Variants in SPOP observed in about 807,000 individuals in gnomAD.
SPOP encodes speckle type BTB/POZ protein, also known as speckle-type POZ protein.
In SPOP, 11 loss-of-function variants were observed where a neutral mutation model predicts 45.6. The ratio of observed to expected loss-of-function variants is 0.24; its 90% CI spans 0.15 to 0.40. SPOP has a LOEUF of 0.40. Ranked by LOEUF, SPOP falls within the 10% of genes least tolerant of loss-of-function variation. SPOP has a pLI of 1.00. For synonymous variants in SPOP, 166 were observed against 166.3 expected (o/e 1.00, Z 0.01); for missense variants, 152 against 465.6 (o/e 0.33, Z 6.20).
intron 1 of SPOP, among the ~76,000 whole-genome samples, chr17:49,664,715 G>A (rs114727135): frequency 0.014 from 2,145 of 152,188 alleles, 63 homozygotes; most frequent in African/African-American, 0.049. Flanking sequence ...TTGAACCTGG[G>A]GCAGGTATCT....
chr17:49,602,093 C>T, intron 8 of SPOP, 86 bp from the exon 9 acceptor site: 1 of 1,471,218 alleles, frequency 6.8e-7, no homozygotes, highest in East Asian at 2.3e-5. Flanking sequence ...GCTGTACCAT[C>T]ATATTAACTA....
At position 49,626,231 on chromosome 17, in the gene SPOP, A is replaced by G. The variant is rs145011583; in HGVS notation, c.-66-3355T>C. Among the ~76,000 whole-genome samples, 138 of 152,298 alleles carry G rather than the reference A, an allele frequency of 9.1e-4. 1 individual carries two copies. The highest frequency in any genetic ancestry group is 3.2e-3 in the African/African-American group (134 of 41,574). ...AACTATAAGCCCATATGCCTGCTTTAGATGCTATATTTTATACAGGATCAT... is the reference window on the plus strand; with the variant it reads ...AACTATAAGCCCATATGCCTGCTTTGGATGCTATATTTTATACAGGATCAT... On this transcript the variant is annotated intron_variant, in intron 1 of 9. Coordinates refer to ENST00000504102, the MANE Select transcript of SPOP (RefSeq NM_001007228.2).
At chr17:49,675,135 G>C (rs1449074579) in intron 1 of SPOP, among the ~76,000 whole-genome samples, 2 of 152,288 alleles carry the variant, frequency 1.3e-5, no homozygotes, top group East Asian at 1.9e-4. Flanking sequence ...CATTGATCCA[G>C]CGCTTCCACT....
At chr17:49,627,498 A>G (rs926058129) in intron 1 of SPOP, among the ~76,000 whole-genome samples, 19 of 152,214 alleles carry the variant, frequency 1.2e-4, no homozygotes, top group Admixed American at 1.1e-3. Context: ...GATTTTATGC[A>G]TTAGTTAAGA....
chr17:49,653,375 C>A (rs2072867242), intron 1 of SPOP, among the ~76,000 whole-genome samples: 1 of 151,674 alleles, frequency 6.6e-6, no homozygotes, highest in African/African-American at 2.4e-5. Flanking sequence ...AACAAACAAA[C>A]AAACAAAAAA....
intron 1 of SPOP, among the ~76,000 whole-genome samples, chr17:49,639,938 TTC>T (rs950437624): frequency 1.3e-5 from 2 of 152,170 alleles, no homozygotes; most frequent in African/African-American, 4.8e-5. Context: ...TTGTGTATTT[TTC>T]TGTTATATTT....
At chr17:49,622,630 T>C (rs925474657) in intron 2 of SPOP, 103 bp downstream of exon 2, 8 of 995,104 alleles carry the variant, frequency 8.0e-6, no homozygotes, top group Non-Finnish European at 1.3e-5. Context: ...GCAGTTATGT[T>C]CCAGAGAAAG....
chr17:49,601,873 G>A lies in SPOP; in HGVS notation c.972C>T (p.Phe324=). The A allele has an allele frequency of 6.2e-7, 1 of 1,613,980 alleles. No individual in the cohort carries two copies. Among genetic ancestry groups the A allele is most frequent in the Non-Finnish European group, 8.5e-7 (1 of 1,179,906 alleles). Residue 324 remains phenylalanine (F), a synonymous_variant, in exon 9 of 10, where the codon TTC becomes TTT. Transcript: ENST00000504102. ...TGAAGATGCCAACTCACTAGTTGAT[G>A]AAATCCACTGCCTGAGTTTTCAACT... ...ADQLKTQAVD[F]INYHASDVLE...
chr17:49,624,515 C>A (rs1030779098), intron 1 of SPOP, among the ~76,000 whole-genome samples: 1 of 152,144 alleles, frequency 6.6e-6, no homozygotes, highest in African/African-American at 2.4e-5. Flanking sequence ...GTAACCCAGG[C>A]TGCAGCACAG....
chr17:49,619,486 G>T lies in SPOP; in HGVS notation c.201-101C>A. On this transcript the variant is annotated intron_variant, in intron 3 of 9. Coordinates refer to ENST00000504102, the MANE Select transcript of SPOP (RefSeq NM_001007228.2). The surrounding 1 kb of genome is among the most constrained non-coding windows in gnomAD (Gnocchi z 4.9). ...GGAGATGTTTAAAAAACAAATGCAG[G>T]CCCCATAGAAGAATATAATTCAGTA... 1 of 1,284,138 alleles carries T rather than the reference G, an allele frequency of 7.8e-7. No individual in the cohort carries two copies. Among genetic ancestry groups the T allele is most frequent in the Non-Finnish European group, 1.1e-6 (1 of 947,562 alleles). 79.5% of individuals were successfully genotyped at this position (1,284,138 alleles called of 1,614,324 possible). A position where few individuals can be genotyped will look rare whatever the true frequency, so the allele number is the denominator to read the frequency against.
chr17:49,676,908 A>G (rs2143601002), intron 1 of SPOP, among the ~76,000 whole-genome samples: 1 of 152,286 alleles, frequency 6.6e-6, no homozygotes, highest in East Asian at 1.9e-4. Context: ...ACATTACTTA[A>G]AACCTCCACT....
At chr17:49,661,832 T>C (rs183951729) in intron 1 of SPOP, among the ~76,000 whole-genome samples, 2 of 151,666 alleles carry the variant, frequency 1.3e-5, no homozygotes, top group African/African-American at 4.8e-5. Flanking sequence ...TGACCAACAT[T>C]GAGAAACCCC....
chr17:49,619,506 T>C lies in SPOP; in HGVS notation c.201-121A>G. ...TGCAGGCCCCATAGAAGAATATAAT[T>C]CAGTAGAATGACTAGTTGGGAACAA... is the stretch of plus-strand genomic sequence containing the variant. On this transcript the variant is annotated intron_variant, in intron 3 of 9. Transcript: ENST00000504102. The surrounding 1 kb of genome is among the most constrained non-coding windows in gnomAD (Gnocchi z 4.9). 9 of 948,422 alleles carry C rather than the reference T, an allele frequency of 9.5e-6. No homozygotes were observed. The highest frequency in any genetic ancestry group is 1.2e-5 in the Non-Finnish European group (8 of 650,780). 58.8% of individuals were successfully genotyped at this position (948,422 alleles called of 1,614,324 possible). A position where few individuals can be genotyped will look rare whatever the true frequency, so the allele number is the denominator to read the frequency against.
At chr17:49,670,011 C>T (rs1395525978) in intron 1 of SPOP, among the ~76,000 whole-genome samples, 2 of 152,150 alleles carry the variant, frequency 1.3e-5, no homozygotes, top group Non-Finnish European at 2.9e-5. Context: ...TTTACACTAA[C>T]AGCTTTTTAG....
chr17:49,606,220 C>T (rs2071841523), intron 8 of SPOP, among the ~76,000 whole-genome samples: 1 of 152,136 alleles, frequency 6.6e-6, no homozygotes. Context: ...ATGGTGCAAT[C>T]ATGGCTCACT....
At chr17:49,601,833 T>C (rs2071745752) in intron 9 of SPOP, 32 bp downstream of exon 9, 6 of 1,610,024 alleles carry the variant, frequency 3.7e-6, no homozygotes, top group Non-Finnish European at 5.1e-6. Flanking sequence ...TCCAACTATT[T>C]TGAAAGAAGA....
chr17:49,637,321 C>T (rs2072559764), intron 1 of SPOP, among the ~76,000 whole-genome samples: 1 of 152,128 alleles, frequency 6.6e-6, no homozygotes, highest in Non-Finnish European at 1.5e-5. Context: ...AAATATTATA[C>T]TTAGAAATGG....
At position 49,611,346 on chromosome 17, in the gene SPOP, G is replaced by A. The variant is rs985933794; in HGVS notation, c.592C>T (p.Arg198Trp). ...ACACACAAGCAGCAGTCTGTGAACC[G>A]GGAATTCTCCCACAGTCCTCCTAAC... The part of the protein sequence containing the change: ...DELGGLWENS[R>W]FTDCCLCVAG... Residue 198 changes from arginine (R) to tryptophan (W), a missense_variant, in exon 6 of 10, where the codon CGG becomes TGG. This residue lies in a region of SPOP where 106 missense variants were observed against 255.2 expected (regional missense o/e 0.42). Coordinates refer to ENST00000504102, the MANE Select transcript of SPOP (RefSeq NM_001007228.2). The A allele has an allele frequency of 2.5e-6, 4 of 1,614,130 alleles. No individual in the cohort carries two copies. The highest frequency in any genetic ancestry group is 3.4e-6 in the Non-Finnish European group (4 of 1,180,006).
chr17:49,635,595 G>A (rs899601015), intron 1 of SPOP, among the ~76,000 whole-genome samples: 3 of 148,910 alleles, frequency 2.0e-5, no homozygotes, highest in Non-Finnish European at 4.5e-5. Flanking sequence ...CTTTTATAAA[G>A]TAAAATGAAG....
Sources: allele counts gnomAD v4.1 joint callset (sites outside exome capture counted in the v4.1 genomes callset), GRCh38; gene constraint gnomAD v4.1.1; regional missense constraint gnomAD v4.1.1; non-coding constraint Gnocchi (gnomAD v3.1); transcripts MANE v1.5; gene names NCBI Gene and HGNC (gene_info 2026-07-23, HGNC 2026-07-21).